CRB1: variants seen among roughly 807,000 people sequenced by gnomAD.
CRB1 encodes crumbs cell polarity complex component 1.
A neutral mutation model predicts 120.0 loss-of-function variants in CRB1; 83 were observed. The observed-to-expected ratio is 0.69, with a 90% CI of 0.58 to 0.83. The LOEUF is 0.83. CRB1 is among the 40% of genes least tolerant of loss of function. The pLI is 0.00. For synonymous variants in CRB1, 625 were observed against 612.5 expected, an observed-to-expected ratio of 1.02 and a Z score of -0.30; for missense variants, 1,699 against 1,687.6, an observed-to-expected ratio of 1.01 and a Z score of -0.12.
intron 5 of CRB1, among the ~76,000 whole-genome samples, chr1:197,397,571 T>G (rs1662834971): frequency 6.6e-6 from 1 of 152,170 alleles, no homozygotes; most frequent in Admixed American, 6.6e-5. Context: ...CAAATCTTCA[T>G]CAGTTACTGA....
At chr1:197,350,240 CCTGTTTATTAA>C (rs11268074) in intron 4 of CRB1, among the ~76,000 whole-genome samples, 85,584 of 151,696 alleles carry the variant, frequency 0.56, 27,990 homozygotes, top group South Asian at 0.81. Context: ...GGATATGTTT[CCTGTTTATTAA>C]CTGAGTGAAC....
At chr1:197,410,675 A>G (rs1663663082) in intron 5 of CRB1, among the ~76,000 whole-genome samples, 1 of 152,230 alleles carries the variant, frequency 6.6e-6, no homozygotes, top group Admixed American at 6.5e-5. Context: ...TATATTCAGC[A>G]TATTTTCCAC....
At chr1:197,449,806 C>G (rs898086697) in intron 11 of CRB1, among the ~76,000 whole-genome samples, 1 of 152,130 alleles carries the variant, frequency 6.6e-6, no homozygotes, top group African/African-American at 2.4e-5. Flanking sequence ...TTGGAGTGTA[C>G]GCTACATGGG....
rs201205005 is a variant in CRB1, at chr1:197,305,465, TAA to T, written c.71-22956_71-22955del. ...TGAATTAGAATGTCTGAAGTAGATA[TAA>T]GAGTGTATAATTAACTGTATTTTCT... On this transcript the variant is annotated intron_variant, in intron 1 of 11. Coordinates refer to ENST00000367400, the MANE Select transcript of CRB1 (RefSeq NM_201253.3). Among the ~76,000 whole-genome samples the T allele has an allele frequency of 6.5e-3, 996 of 152,166 alleles. 8 individuals carry two copies. The highest frequency in any genetic ancestry group is 0.022 in the African/African-American group (925 of 41,544).
intron 5 of CRB1, among the ~76,000 whole-genome samples, chr1:197,374,748 G>A (rs1046414964): frequency 3.3e-5 from 5 of 151,714 alleles, no homozygotes; most frequent in African/African-American, 4.8e-5. Flanking sequence ...TCTAACTAAA[G>A]TTCTATATTG....
chr1:197,205,258 G>A, the CRB1 span, among the ~76,000 whole-genome samples: 4 of 152,134 alleles, frequency 2.6e-5, no homozygotes, highest in African/African-American at 9.7e-5. Flanking sequence ...TCGTCTGATT[G>A]TTCTGGCTCA....
At chr1:197,214,044 C>A in the CRB1 span, among the ~76,000 whole-genome samples, 1 of 151,572 alleles carries the variant, frequency 6.6e-6, no homozygotes, top group Admixed American at 6.6e-5. Flanking sequence ...AAGATAAGAG[C>A]CAAAATAAAT....
upstream of CRB1, among the ~76,000 whole-genome samples, chr1:197,265,818 T>G (rs1204307462): frequency 1.3e-5 from 2 of 152,204 alleles, no homozygotes; most frequent in African/African-American, 4.8e-5. Flanking sequence ...TCATCTCTCT[T>G]GTGGACAACG....
the CRB1 span, among the ~76,000 whole-genome samples, chr1:197,245,494 G>T: frequency 6.6e-6 from 1 of 151,940 alleles, no homozygotes; most frequent in South Asian, 2.1e-4. Flanking sequence ...GGAGGCAAAG[G>T]TAGACCCCAT....
chr1:197,454,504 C>T (rs1398688973), intron 11 of CRB1, among the ~76,000 whole-genome samples: 4 of 152,036 alleles, frequency 2.6e-5, no homozygotes, highest in East Asian at 1.9e-4. Context: ...GCAGGCTTCA[C>T]GGAAATCATG....
chr1:197,244,876 ATGT>A, the CRB1 span, among the ~76,000 whole-genome samples: 1 of 150,560 alleles, frequency 6.6e-6, no homozygotes, highest in Non-Finnish European at 1.5e-5. Flanking sequence ...TATTTTCTTT[ATGT>A]TGTTCAGATT....
At chr1:197,382,196 G>A (rs923331169) in intron 5 of CRB1, among the ~76,000 whole-genome samples, 1 of 152,088 alleles carries the variant, frequency 6.6e-6, no homozygotes, top group Admixed American at 6.5e-5. Context: ...TAACTTACAG[G>A]GTGGCTGGTA....
intron 1 of CRB1, among the ~76,000 whole-genome samples, chr1:197,305,058 C>T (rs1177365843): frequency 6.6e-6 from 1 of 152,172 alleles, no homozygotes; most frequent in Non-Finnish European, 1.5e-5. Context: ...GCATCTTATT[C>T]TCAATACTAA....
chr1:197,245,167 C>T, the CRB1 span, among the ~76,000 whole-genome samples: 3 of 151,952 alleles, frequency 2.0e-5, no homozygotes. Context: ...CCCATTAACT[C>T]GTCATTGAAC....
chr1:197,331,136 C>T (rs920627662), intron 2 of CRB1, among the ~76,000 whole-genome samples: 24 of 151,658 alleles, frequency 1.6e-4, no homozygotes, highest in Non-Finnish European at 4.4e-5. Flanking sequence ...CCAGCCTGGG[C>T]AACACAGCCA....
At chr1:197,290,634 A>G (rs1460507812) in intron 1 of CRB1, among the ~76,000 whole-genome samples, 5 of 151,612 alleles carry the variant, frequency 3.3e-5, no homozygotes, top group African/African-American at 1.2e-4. Context: ...GCTGATTTTC[A>G]GCTCTTTCAT....
rs36091967 is a variant in CRB1 at position 197,473,618 on chromosome 1, G to GAAA, written c.4006-4036_4006-4034dup. On this transcript the variant is annotated intron_variant, in intron 11 of 11. Transcript: ENST00000367400. ...GCAGATAGCAGCATGTCATTTTTCA[G>GAAA]AAAAAAAAAAAACAATTCTACATTA... Among the ~76,000 whole-genome samples the GAAA allele has an allele frequency of 8.5e-4, 123 of 145,192 alleles. 4 individuals carry two copies. In the East Asian group the frequency reaches 0.018, roughly 22 times the overall value.
intron 11 of CRB1, among the ~76,000 whole-genome samples, chr1:197,472,381 C>T (rs546961767): frequency 1.4e-4 from 22 of 152,222 alleles, no homozygotes; most frequent in South Asian, 1.0e-3. Flanking sequence ...TTTTATAAAA[C>T]GCAGGCATGA....
intron 1 of CRB1, 102 bp from the exon 2 acceptor site, chr1:197,328,320 T>A: frequency 1.1e-6 from 1 of 879,356 alleles, no homozygotes; most frequent in Non-Finnish European, 1.8e-6. Flanking sequence ...CTATGTATTT[T>A]ATTAATGAGT....
Sources: gnomAD v4.1 joint callset for allele counts (sites outside exome capture counted in the v4.1 genomes callset) on GRCh38, gnomAD v4.1.1 for gene constraint, MANE v1.5 for transcripts, NCBI Gene and HGNC (gene_info 2026-07-23, HGNC 2026-07-21) for gene names.